Variants in ATP2C1 observed in about 807,000 individuals in gnomAD.
ATP2C1 encodes the protein calcium-transporting ATPase type 2C member 1.
ATP2C1 carries 31 observed loss-of-function variants against 120.5 expected under a neutral mutation model. That is an observed-to-expected ratio of 0.26 (90% CI 0.19 to 0.35). ATP2C1 has a LOEUF of 0.35. Among genes scored for constraint, ATP2C1 ranks in the 10% least tolerant of loss-of-function variants. The pLI is 1.00. For synonymous variants in ATP2C1, 351 were observed against 358.7 expected, an observed-to-expected ratio of 0.98 and a Z score of 0.24; for missense variants, 731 against 1,107.5, an observed-to-expected ratio of 0.66 and a Z score of 4.83.
intron 26 of ATP2C1, chr3:131,015,406 T>C: frequency 3.4e-6 from 2 of 583,224 alleles, no homozygotes; most frequent in Middle Eastern, 2.6e-4. Context: ...GTCCAATCCA[T>C]TGATCCTATC....
At chr3:130,935,151 A>T (rs925369290) in intron 5 of ATP2C1, among the ~76,000 whole-genome samples, 2 of 152,160 alleles carry the variant, frequency 1.3e-5, no homozygotes, top group Non-Finnish European at 2.9e-5. Context: ...TGCTTTTATT[A>T]TAGTTACAGT....
At chr3:130,995,941 G>T in intron 22 of ATP2C1, 102 bp from the exon 23 acceptor site, 1 of 847,482 alleles carries the variant, frequency 1.2e-6, no homozygotes, top group Non-Finnish European at 2.0e-6. Context: ...CACAGTGCCC[G>T]GTTGGAAATT....
At chr3:130,867,659 G>A (rs1470894413) in intron 1 of ATP2C1, among the ~76,000 whole-genome samples, 44 of 151,596 alleles carry the variant, frequency 2.9e-4, no homozygotes, top group South Asian at 1.7e-3. Flanking sequence ...CCTCCCAGCC[G>A]CCTGCCTTGG....
At chr3:130,919,167 G>T in intron 2 of ATP2C1, 1 of 240,958 alleles carries the variant, frequency 4.2e-6, no homozygotes, top group Non-Finnish European at 8.2e-6. Flanking sequence ...TAGAGAGGCT[G>T]GGCTGGAGGG....
chr3:130,915,470 C>G (rs552635470), intron 2 of ATP2C1, among the ~76,000 whole-genome samples: 2 of 152,246 alleles, frequency 1.3e-5, no homozygotes, highest in Admixed American at 6.5e-5. Flanking sequence ...GGGAAAAAGT[C>G]TGTTACTTAG....
rs1440052815 is a variant in ATP2C1 at position 131,014,440 on chromosome 3, G to A, written c.2630-1712G>A. ...GTTAAAGAAGTAATTCAGTGCAACAGGATAACTACCATTGACATAGCTTCA... is the reference window on the plus strand; with the variant it reads ...GTTAAAGAAGTAATTCAGTGCAACAAGATAACTACCATTGACATAGCTTCA... On this transcript the variant is annotated intron_variant, in intron 26 of 26. Coordinates refer to the ATP2C1 transcript ENST00000328560. 4.7e-6 allele frequency: 7 copies of A among 1,490,698 alleles called. No homozygotes were observed. The East Asian group carries it at 1.6e-4, about 34-fold the overall frequency. The allele number at this position is 1,490,698 out of a possible 1,614,324, so 92.3% of individuals were successfully genotyped here. A position where few individuals can be genotyped will look rare whatever the true frequency, so the allele number is the denominator to read the frequency against.
chr3:131,013,439 T>C (rs1385406878), intron 26 of ATP2C1, among the ~76,000 whole-genome samples: 1 of 152,200 alleles, frequency 6.6e-6, no homozygotes, highest in Non-Finnish European at 1.5e-5. Flanking sequence ...TCTCTTGATA[T>C]TTTCACTTCT....
chr3:131,001,061 C>T (rs1023595840), intron 27 of ATP2C1, among the ~76,000 whole-genome samples, 159 bp from the exon 28 acceptor site: 2 of 144,996 alleles, frequency 1.4e-5, no homozygotes, highest in Non-Finnish European at 3.0e-5. Context: ...TGAGATCATG[C>T]CACTGCATTC....
rs539779955 is a variant in ATP2C1, at chr3:130,900,338, A to G, written c.6+5563A>G. Among the ~76,000 whole-genome samples the G allele has an allele frequency of 2.6e-5, 4 of 152,276 alleles. No individual in the cohort carries two copies. In the East Asian group the frequency reaches 5.8e-4, roughly 22 times the overall value. ...TGGCCTCCCAAATTGTTGGAATTAT[A>G]GGCATGAGCCACCGTGCCCAGCTTT... On this transcript the variant is annotated intron_variant, in intron 2 of 27. Transcript: ENST00000510168.
chr3:130,854,177 C>T (rs2067764252), intron 1 of ATP2C1: 1 of 152,168 alleles, frequency 6.6e-6, no homozygotes, highest in South Asian at 2.1e-4. Context: ...TCATCCTTTG[C>T]TTCCCTAGAT....
chr3:130,980,783 T>A, intron 20 of ATP2C1, 104 bp downstream of exon 20: 2 of 857,870 alleles, frequency 2.3e-6, no homozygotes, highest in Non-Finnish European at 3.9e-6. Flanking sequence ...ATCAGGGATT[T>A]AAATAACCAC....
Position 131,016,434 on chromosome 3 carries a change from A to G in ATP2C1, c.*245A>G, listed in dbSNP as rs2063637916. The G allele has an allele frequency of 2.6e-5, 36 of 1,368,266 alleles. No homozygotes were observed. In the South Asian group the frequency reaches 4.2e-4, roughly 16 times the overall value. 84.8% of individuals were successfully genotyped at this position (1,368,266 alleles called of 1,614,324 possible). ...ATACTACAAATTCTATAAAGAAAGA[A>G]ATTAATTTAAAAAAACTAAGATGTT... On this transcript the variant is annotated 3_prime_UTR_variant, in exon 27 of 27. Coordinates refer to the ATP2C1 transcript ENST00000328560.
At chr3:130,918,908 C>T (rs1259677288) in intron 2 of ATP2C1, 5 of 323,036 alleles carry the variant, frequency 1.5e-5, no homozygotes, top group Non-Finnish European at 1.2e-5. Context: ...AGGAGAATGG[C>T]GTGAACCCGG....
intron 8 of ATP2C1, among the ~76,000 whole-genome samples, chr3:130,950,451 C>G (rs181170990): frequency 3.3e-5 from 5 of 152,212 alleles, no homozygotes; most frequent in Non-Finnish European, 7.4e-5. Context: ...TAATATCTTT[C>G]TTCTCAGACG....
chr3:130,882,112 G>C (rs574785513), intron 1 of ATP2C1, among the ~76,000 whole-genome samples: 3 of 152,108 alleles, frequency 2.0e-5, no homozygotes, highest in African/African-American at 7.2e-5. Context: ...TGAAAAAGTG[G>C]GCATCCTTTT....
intron 20 of ATP2C1, among the ~76,000 whole-genome samples, chr3:130,985,332 C>T (rs1302181892): frequency 6.6e-6 from 1 of 151,978 alleles, no homozygotes; most frequent in Non-Finnish European, 1.5e-5. Flanking sequence ...GAAAAGGAAA[C>T]TAAAAAAAGA....
chr3:130,851,547 A>G (rs2067676564), intron 1 of ATP2C1, among the ~76,000 whole-genome samples: 1 of 152,180 alleles, frequency 6.6e-6, no homozygotes, highest in Non-Finnish European at 1.5e-5. Context: ...AAACTGTTAA[A>G]ATGTCTGATC....
In ATP2C1 at chr3:130,974,736, G is replaced by A. The variant is rs145055939; in HGVS notation, c.1414-596G>A. On this transcript the variant is annotated intron_variant, in intron 17 of 27. Coordinates refer to ENST00000510168, the MANE Select transcript of ATP2C1 (RefSeq NM_001378687.1). ...GTGTATAAAATTGATAACTGATGGA[G>A]TAGCAGTATAAACATGTTAAAAACA... Among the ~76,000 whole-genome samples, 1,081 of 152,270 alleles carry A rather than the reference G, an allele frequency of 7.1e-3. 17 individuals are homozygous for A. The highest frequency in any genetic ancestry group is 0.024 in the African/African-American group (986 of 41,540).
intron 2 of ATP2C1, among the ~76,000 whole-genome samples, chr3:130,903,531 T>G (rs1445465596): frequency 6.6e-6 from 1 of 151,816 alleles, no homozygotes; most frequent in Non-Finnish European, 1.5e-5. Flanking sequence ...AGTTAGCTGC[T>G]TTATGAAATG....
Sources: allele counts gnomAD v4.1 joint callset (sites outside exome capture counted in the v4.1 genomes callset), GRCh38; gene constraint gnomAD v4.1.1; transcripts MANE v1.5; gene names NCBI Gene and HGNC (gene_info 2026-07-23, HGNC 2026-07-21).